The following REV1 variants were observed in gnomAD, a reference collection of about 807,000 sequenced individuals.
REV1 encodes REV1 DNA directed polymerase, also known as translesion synthesis protein REV1.
A neutral mutation model predicts 137.4 loss-of-function variants in REV1; 42 were observed. The observed-to-expected ratio is 0.31, with a 90% CI of 0.24 to 0.40. REV1 has a LOEUF of 0.40. REV1 is among the 10% of genes least tolerant of loss of function. The probability of loss-of-function intolerance (pLI) is 1.00; values close to 1 mark genes in which losing one functional copy is unlikely to be tolerated. For missense variants in REV1, 1,282 were observed against 1,490.1 expected (o/e 0.86, Z 2.30); for synonymous variants, 524 against 519.2 (o/e 1.01, Z -0.12).
At position 99,484,222 on chromosome 2, in the gene REV1, T is replaced by C. The variant is rs1005802304; in HGVS notation, c.-11+5595A>G. Among the ~76,000 whole-genome samples the C allele has an allele frequency of 2.0e-5, 3 of 152,152 alleles. No homozygotes were observed. In the South Asian group the frequency reaches 6.2e-4, roughly 32 times the overall value. ...GGGAGCAATAGACACTGAGTCTACTTAAGCGTGGAGGGTGGGAGGAGGGAA... is the reference window on the plus strand; with the variant it reads ...GGGAGCAATAGACACTGAGTCTACTCAAGCGTGGAGGGTGGGAGGAGGGAA... On this transcript the variant is annotated intron_variant, in intron 1 of 22. Coordinates refer to ENST00000258428, the MANE Select transcript of REV1 (RefSeq NM_016316.4).
At chr2:99,470,736 T>A (rs947263534) in intron 1 of REV1, among the ~76,000 whole-genome samples, 2 of 152,172 alleles carry the variant, frequency 1.3e-5, no homozygotes, top group African/African-American at 4.8e-5. Flanking sequence ...AAATACAGAA[T>A]GTGAGGTCCT....
chr2:99,427,357 T>C (rs959394704), intron 9 of REV1, among the ~76,000 whole-genome samples: 1 of 152,232 alleles, frequency 6.6e-6, no homozygotes, highest in Non-Finnish European at 1.5e-5. Context: ...TACCTATTCA[T>C]GTACAATCTA....
chr2:99,435,985 C>G, intron 6 of REV1, 44 bp from the exon 7 acceptor site: 2 of 1,035,638 alleles, frequency 1.9e-6, no homozygotes, highest in Non-Finnish European at 3.0e-6. Flanking sequence ...CTAATTTTTA[C>G]TATTTAAAAC....
intron 8 of REV1, among the ~76,000 whole-genome samples, chr2:99,432,653 T>C (rs886501809): frequency 2.0e-5 from 3 of 152,196 alleles, no homozygotes; most frequent in Admixed American, 2.0e-4. Flanking sequence ...ATATAATCTT[T>C]TTCTAGTGAC....
intron 15 of REV1, 44 bp downstream of exon 15, chr2:99,407,985 T>G (rs377595784): frequency 1.2e-5 from 14 of 1,210,344 alleles, no homozygotes; most frequent in Admixed American, 2.2e-5. Flanking sequence ...AAATGAGAGA[T>G]ACATTACACA....
chr2:99,471,651 A>G (rs753749814), intron 1 of REV1, among the ~76,000 whole-genome samples: 1 of 152,148 alleles, frequency 6.6e-6, no homozygotes, highest in Non-Finnish European at 1.5e-5. Context: ...TCTGCAAATC[A>G]TATCTGATAA....
chr2:99,447,543 A>G (rs1462500306), intron 4 of REV1, among the ~76,000 whole-genome samples: 1 of 152,234 alleles, frequency 6.6e-6, no homozygotes, highest in East Asian at 1.9e-4. Context: ...CTAATGTTAC[A>G]GAATAAAAAT....
At chr2:99,441,425 T>C (rs1437028751) in intron 5 of REV1, among the ~76,000 whole-genome samples, 15 of 152,024 alleles carry the variant, frequency 9.9e-5, no homozygotes, top group African/African-American at 3.4e-4. Flanking sequence ...CACCAATTAA[T>C]TGTGAAACAA....
chr2:99,407,514 T>A (rs1357263985), intron 15 of REV1, among the ~76,000 whole-genome samples: 1 of 151,430 alleles, frequency 6.6e-6, no homozygotes, highest in Non-Finnish European at 1.5e-5. Flanking sequence ...ACAACGCCAT[T>A]GCACTCCAGC....
chr2:99,449,232 T>C, intron 4 of REV1, 104 bp downstream of exon 4: 2 of 615,284 alleles, frequency 3.3e-6, no homozygotes, highest in East Asian at 9.7e-5. Context: ...GCCACTGCAC[T>C]CTAGCCTGGG....
chr2:99,472,412 TAG>T (rs1685518990), intron 1 of REV1, among the ~76,000 whole-genome samples: 1 of 152,234 alleles, frequency 6.6e-6, no homozygotes, highest in South Asian at 2.1e-4. Flanking sequence ...GTTTAACAGG[TAG>T]AGTCTCAGGC....
intron 4 of REV1, among the ~76,000 whole-genome samples, chr2:99,447,948 G>A (rs1348170316): frequency 1.3e-5 from 2 of 151,830 alleles, no homozygotes; most frequent in Non-Finnish European, 1.5e-5. Context: ...TGCCCACCTC[G>A]GCCTCCCAAA....
Position 99,435,845 on chromosome 2 carries a change from G to C in REV1, c.1310C>G (p.Pro437Arg). Reference protein sequence around the residue: ...FFVSVGIRNRPDLKGKPVAVT... With the variant: ...FFVSVGIRNRRDLKGKPVAVT... ...GCAAGAATACAGACCTTTGAGATCT[G>C]GTCTATTTCGTATACCCACTGATAC... Residue 437 changes from proline to arginine, a missense_variant, in exon 7 of 23, where the codon CCA becomes CGA. Pro to Arg is a moderately radical substitution (Grantham distance 103, BLOSUM62 -2). This residue lies in a region of REV1 where 432 missense variants were observed against 438.0 expected (regional missense o/e 0.99). Transcript: ENST00000258428. 6.4e-7 allele frequency: 1 copy of C among 1,556,886 alleles called. No homozygotes were observed. The highest frequency in any genetic ancestry group is 8.8e-7 in the Non-Finnish European group (1 of 1,131,044).
At chr2:99,401,473 G>A (rs1009804480) in intron 22 of REV1, 121 bp from the exon 23 acceptor site, 80 of 609,118 alleles carry the variant, frequency 1.3e-4, no homozygotes, top group South Asian at 6.0e-4. Flanking sequence ...GGCCAGGTGC[G>A]GTGTGGCTCA....
chr2:99,451,931 G>A (rs553204161), intron 3 of REV1, among the ~76,000 whole-genome samples: 2 of 152,116 alleles, frequency 1.3e-5, no homozygotes, highest in East Asian at 1.9e-4. Flanking sequence ...ATGCATGGTC[G>A]CTGGAAGCTA....
rs745772943 is a variant in REV1 at position 99,412,855 on chromosome 2, A to C, written c.2048T>G (p.Phe683Cys). 1.2e-6 allele frequency: 2 copies of C among 1,614,158 alleles called. No homozygotes were observed. ...YMTMAKLQKE[F>C]GPKTGQMLYR... The stretch of plus-strand genomic sequence containing the variant: ...AAGCATCTGACCTGTTTTGGGACCA[A>C]ATTCTTTTTGGAGTTTTGCCATGGT... The change falls in exon 13 of 23, where the codon TTT becomes TGT. Residue 683 changes from phenylalanine (F) to cysteine (C), a missense_variant. Phe to Cys is a radical substitution (Grantham distance 205, BLOSUM62 -2). Around this residue, in one of 7 missense-constraint regions of REV1, gnomAD observed 372 missense variants for 482.3 expected, o/e 0.77. Coordinates refer to ENST00000258428, the MANE Select transcript of REV1 (RefSeq NM_016316.4).
Position 99,489,949 on chromosome 2 carries a change from G to C in REV1, c.-143C>G, listed in dbSNP as rs1258088761. ...GCCGGGGGAAGGCAGCCCCACCGCTGAGCAGCGCCGCGGTCCACGCTCCCC... is the reference window on the plus strand; with the variant it reads ...GCCGGGGGAAGGCAGCCCCACCGCTCAGCAGCGCCGCGGTCCACGCTCCCC... On this transcript the variant is annotated 5_prime_UTR_variant, in exon 1 of 23. Transcript: ENST00000258428. 6.7e-6 allele frequency: 1 copy of C among 149,912 alleles called. No individual in the cohort carries two copies. The highest frequency in any genetic ancestry group is 2.1e-4 in the South Asian group (1 of 4,822). 9.3% of individuals were successfully genotyped at this position (149,912 alleles called of 1,614,324 possible).
At chr2:99,485,191 T>G (rs1337234767) in intron 1 of REV1, among the ~76,000 whole-genome samples, 3 of 152,340 alleles carry the variant, frequency 2.0e-5, no homozygotes, top group African/African-American at 7.2e-5. Context: ...ACTGGTATTA[T>G]GCAAGTTCAA....
Position 99,434,384 on chromosome 2 carries a change from G to A in REV1, c.1386C>T (p.Asn462=), listed in dbSNP as rs1297766181. The part of the protein sequence containing the change: ...TGRAPLRPGA[N]PQLEWQYYQN... ...GGTAATACTGCCACTCCAGCTGGGGGTTAGCGCCAGGACGTAAAGGTGCCC... is the reference window on the plus strand; with the variant it reads ...GGTAATACTGCCACTCCAGCTGGGGATTAGCGCCAGGACGTAAAGGTGCCC... Residue 462 remains asparagine, a synonymous_variant, in exon 8 of 23, where the codon AAC becomes AAT. Transcript: ENST00000258428. 6.2e-7 allele frequency: 1 copy of A among 1,607,060 alleles called. No individual in the cohort carries two copies. The highest frequency in any genetic ancestry group is 1.3e-5 in the African/African-American group (1 of 74,568).
Sources: allele counts gnomAD v4.1 joint callset (sites outside exome capture counted in the v4.1 genomes callset), GRCh38; gene constraint gnomAD v4.1.1; regional missense constraint gnomAD v4.1.1; transcripts MANE v1.5; gene names NCBI Gene and HGNC (gene_info 2026-07-23, HGNC 2026-07-21).